CTNNA2: variants seen among roughly 807,000 people sequenced by gnomAD.
CTNNA2 encodes the protein catenin alpha-2.
CTNNA2 carries 42 observed loss-of-function variants against 101.0 expected under a neutral mutation model. The ratio of observed to expected loss-of-function variants is 0.42; its 90% CI spans 0.32 to 0.54. The LOEUF (loss-of-function observed/expected upper bound fraction) is 0.54, where lower values mean the gene tolerates loss of function less well. Among genes scored for constraint, CTNNA2 ranks in the 20% least tolerant of loss-of-function variants. The probability of loss-of-function intolerance (pLI) is 0.14; values close to 1 mark genes in which losing one functional copy is unlikely to be tolerated. For synonymous variants in CTNNA2, 450 were observed against 456.4 expected (o/e 0.99, Z 0.18); for missense variants, 871 against 1,223.1 (o/e 0.71, Z 4.29).
At position 80,287,518 on chromosome 2, in the gene CTNNA2, G is replaced by T. The variant is rs529413814; in HGVS notation, c.1057-105693G>T. Among the ~76,000 whole-genome samples, 5 of 152,240 alleles carry T rather than the reference G, an allele frequency of 3.3e-5. No individual in the cohort carries two copies. In the East Asian group the frequency reaches 9.7e-4, roughly 29 times the overall value. The stretch of plus-strand genomic sequence containing the variant: ...GCTTGGTACCAAAAGTAATGATGAC[G>T]AGGATGACACTGATGGTGACGATAC... On this transcript the variant is annotated intron_variant, in intron 7 of 18. Transcript: ENST00000402739.
intron 9 of CTNNA2, among the ~76,000 whole-genome samples, chr2:80,490,519 C>A (rs1191978968): frequency 6.6e-6 from 1 of 151,870 alleles, no homozygotes; most frequent in Non-Finnish European, 1.5e-5. Context: ...TTTAACTATT[C>A]AAAAACATAA....
chr2:80,603,859 A>G, intron 15 of CTNNA2: 1 of 522,118 alleles, frequency 1.9e-6, no homozygotes, highest in Non-Finnish European at 3.4e-6. Context: ...TGTAAAAGAT[A>G]AAATGTGAAC....
chr2:79,651,680 C>T (rs1449043347), intron 2 of CTNNA2, 22 bp downstream of exon 2: 4 of 1,585,302 alleles, frequency 2.5e-6, no homozygotes, highest in Non-Finnish European at 3.5e-6. Flanking sequence ...TTTGAAACCA[C>T]TTTGTTATAT....
chr2:80,172,798 C>T (rs535434619), intron 7 of CTNNA2, among the ~76,000 whole-genome samples: 19 of 152,288 alleles, frequency 1.2e-4, no homozygotes, highest in Admixed American at 9.2e-4. Context: ...ATGCATCACC[C>T]TGATCTCTGC....
At position 79,973,131 on chromosome 2, in the gene CTNNA2, A is replaced by G. The variant is rs142884124; in HGVS notation, c.1056+63334A>G. ...AAATTCTCTATTTTCCTTTCTATGT[A>G]ATGCTAAAAAGATTACTGTCTTTCT... On this transcript the variant is annotated intron_variant, in intron 7 of 18. Transcript: ENST00000402739. Among the ~76,000 whole-genome samples the G allele has an allele frequency of 3.6e-3, 550 of 152,202 alleles. 6 individuals are homozygous for G. The highest frequency in any genetic ancestry group is 0.013 in the African/African-American group (523 of 41,526).
intron 15 of CTNNA2, among the ~76,000 whole-genome samples, chr2:80,597,996 C>T (rs969998865): frequency 6.6e-6 from 1 of 152,166 alleles, no homozygotes; most frequent in East Asian, 1.9e-4. Context: ...TACAAAGACA[C>T]TTGCATATAT....
intron 7 of CTNNA2, among the ~76,000 whole-genome samples, chr2:80,098,057 AT>A (rs1395997793): frequency 6.6e-5 from 10 of 152,204 alleles, no homozygotes; most frequent in African/African-American, 2.2e-4. Flanking sequence ...GAGGAGCTGC[AT>A]TCCTTTGGAG....
rs116726206 is a variant in CTNNA2, at chr2:79,243,612, C to T, written c.-406+45536C>T. On this transcript the variant is annotated intron_variant, in intron 2 of 21. Transcript: ENST00000466387. ...CAAATACGTTTCCTGAAACATAAAGCGTGGAAAAATACTGAATAACTAATT... is the reference window on the plus strand; with the variant it reads ...CAAATACGTTTCCTGAAACATAAAGTGTGGAAAAATACTGAATAACTAATT... 5.8e-3 allele frequency among the ~76,000 whole-genome samples: 879 copies of T among 152,198 alleles called. 5 individuals are homozygous for T. Among genetic ancestry groups the T allele is most frequent in the African/African-American group, 0.02 (836 of 41,536 alleles).
chr2:79,567,171 C>T (rs1003363815), intron 1 of CTNNA2, among the ~76,000 whole-genome samples: 4 of 152,112 alleles, frequency 2.6e-5, no homozygotes, highest in African/African-American at 7.2e-5. Context: ...AGGAACTCAA[C>T]GAGCTTTGTG....
intron 2 of CTNNA2, among the ~76,000 whole-genome samples, chr2:79,229,077 T>C (rs1674457234): frequency 6.6e-6 from 1 of 152,222 alleles, no homozygotes; most frequent in Non-Finnish European, 1.5e-5. Context: ...GTCATGTGTT[T>C]ATTTCTGGGC....
intron 2 of CTNNA2, among the ~76,000 whole-genome samples, chr2:79,268,519 A>C (rs576623157): frequency 4.6e-5 from 7 of 152,144 alleles, no homozygotes; most frequent in Non-Finnish European, 8.8e-5. Context: ...CTAATTAATT[A>C]TAACTCAAGA....
At chr2:80,090,009 T>A (rs1045071923) in intron 7 of CTNNA2, among the ~76,000 whole-genome samples, 7 of 152,022 alleles carry the variant, frequency 4.6e-5, no homozygotes, top group African/African-American at 1.7e-4. Flanking sequence ...TATAAAACAT[T>A]GTTGATCTGC....
chr2:80,545,144 T>C (rs1020153811), intron 10 of CTNNA2, 70 bp downstream of exon 10: 5 of 1,418,574 alleles, frequency 3.5e-6, no homozygotes, highest in African/African-American at 2.8e-5. Flanking sequence ...GTGCCCCTCC[T>C]TTTCCTTCTC....
At chr2:80,036,809 T>TTGTG (rs145965045) in intron 7 of CTNNA2, among the ~76,000 whole-genome samples, 2 of 139,094 alleles carry the variant, frequency 1.4e-5, no homozygotes, top group African/African-American at 5.6e-5. Flanking sequence ...CACTCATTCA[T>TTGTG]TGTGTGTGTG....
chr2:80,326,968 G>GTT (rs1245784431), intron 7 of CTNNA2, among the ~76,000 whole-genome samples: 2 of 151,930 alleles, frequency 1.3e-5, no homozygotes, highest in Non-Finnish European at 2.9e-5. Context: ...TAGAAACCTG[G>GTT]TTTCTCTCTC....
intron 7 of CTNNA2, among the ~76,000 whole-genome samples, chr2:80,240,037 G>T (rs902225245): frequency 2.0e-5 from 3 of 152,208 alleles, no homozygotes; most frequent in African/African-American, 7.2e-5. Flanking sequence ...GTTGCCCACA[G>T]TTAGCTGAAA....
At chr2:79,770,106 T>C (rs1268398360) in intron 3 of CTNNA2, among the ~76,000 whole-genome samples, 1 of 152,128 alleles carries the variant, frequency 6.6e-6, no homozygotes, top group Admixed American at 6.5e-5. Context: ...TTGTCACAAG[T>C]TGGGGAGTGC....
chr2:79,533,509 A>C (rs1435933887), intron 1 of CTNNA2, among the ~76,000 whole-genome samples: 6 of 152,130 alleles, frequency 3.9e-5, no homozygotes, highest in Admixed American at 3.9e-4. Context: ...AAAAAAACAC[A>C]CTGAGTTCCC....
chr2:79,827,796 G>A (rs1678562827), intron 3 of CTNNA2, among the ~76,000 whole-genome samples: 1 of 152,182 alleles, frequency 6.6e-6, no homozygotes, highest in African/African-American at 2.4e-5. Context: ...GATTTGGAAT[G>A]AGTGATTTTT....
Sources: allele counts gnomAD v4.1 joint callset (sites outside exome capture counted in the v4.1 genomes callset), GRCh38; gene constraint gnomAD v4.1.1; transcripts MANE v1.5; gene names NCBI Gene and HGNC (gene_info 2026-07-23, HGNC 2026-07-21).